The following RASAL2 variants were observed in gnomAD, a reference collection of about 807,000 sequenced individuals.
RASAL2 encodes ras GTPase-activating protein nGAP.
In RASAL2, 58 loss-of-function variants were observed where a neutral mutation model predicts 128.9. That is an observed-to-expected ratio of 0.45 (90% CI 0.36 to 0.56). RASAL2 has a LOEUF of 0.56. Among genes scored for constraint, RASAL2 ranks in the 20% least tolerant of loss-of-function variants. The pLI is 0.00. For synonymous variants in RASAL2, 561 were observed against 580.8 expected, an observed-to-expected ratio of 0.97 and a Z score of 0.49; for missense variants, 1,360 against 1,601.6, an observed-to-expected ratio of 0.85 and a Z score of 2.57.
intron 3 of RASAL2, among the ~76,000 whole-genome samples, chr1:178,314,919 C>G (rs1668432254): frequency 7.0e-6 from 1 of 143,232 alleles, no homozygotes; most frequent in African/African-American, 2.6e-5. Context: ...AGGTATATCT[C>G]CCAATGCTAT....
Position 178,094,662 on chromosome 1 carries a change from TGTGCCA to T in RASAL2, c.172_177del (p.Cys58_Gln59del), listed in dbSNP as rs767237011. The T allele has an allele frequency of 6.2e-7, 1 of 1,614,078 alleles. No individual in the cohort carries two copies. Among genetic ancestry groups the T allele is most frequent in the East Asian group, 2.2e-5 (1 of 44,882 alleles). On this transcript the variant is annotated inframe_deletion, in exon 1 of 18. Coordinates refer to ENST00000367649, the MANE Select transcript of RASAL2 (RefSeq NM_170692.4). ...TTGGATCGGATCCTTCTGGAGTCCGTGTGCCAGCAACAGAGCTGGGTCCGGGTGTAC... is the reference window on the plus strand; with the variant it reads ...TTGGATCGGATCCTTCTGGAGTCCGTGCAACAGAGCTGGGTCCGGGTGTAC...
At chr1:178,464,240 G>C in intron 14 of RASAL2, 38 bp from the exon 15 acceptor site, 5 of 1,571,312 alleles carry the variant, frequency 3.2e-6, no homozygotes, top group Non-Finnish European at 4.3e-6. Flanking sequence ...ACACGGGTGA[G>C]CTGTTAGGGG....
chr1:178,217,101 G>A lies in RASAL2; in HGVS notation c.203-66463G>A, dbSNP rs1280208594. Among the ~76,000 whole-genome samples, 5 of 152,080 alleles carry A rather than the reference G, an allele frequency of 3.3e-5. No homozygotes were observed. The South Asian group carries it at 8.3e-4, about 25-fold the overall frequency. On this transcript the variant is annotated intron_variant, in intron 1 of 17. Transcript: ENST00000367649. ...AACAGTTCTCCTGCCTCAGCCCACC[G>A]AGTAGCTGGGATTATAGGCACGCAC...
rs1396236405 is a variant in RASAL2 at position 178,107,481 on chromosome 1, A to G, written c.202+12787A>G. Among the ~76,000 whole-genome samples, 4 of 152,142 alleles carry G rather than the reference A, an allele frequency of 2.6e-5. No homozygotes were observed. In the East Asian group the frequency reaches 7.7e-4, roughly 29 times the overall value. On this transcript the variant is annotated intron_variant, in intron 1 of 17. Coordinates refer to ENST00000367649, the MANE Select transcript of RASAL2 (RefSeq NM_170692.4). The stretch of plus-strand genomic sequence containing the variant: ...TTTTTTTATTATGGTAAATATAGCA[A>G]ATTTTCATTTTAAGTTTGCTATATT...
At chr1:178,117,869 A>G (rs1325651722) in intron 1 of RASAL2, among the ~76,000 whole-genome samples, 3 of 152,158 alleles carry the variant, frequency 2.0e-5, no homozygotes, top group African/African-American at 2.4e-5. Context: ...AAGATAGAAT[A>G]TAATAATATT....
intron 1 of RASAL2, among the ~76,000 whole-genome samples, chr1:178,226,276 T>C (rs1470914886): frequency 6.6e-6 from 1 of 152,110 alleles, no homozygotes; most frequent in East Asian, 1.9e-4. Context: ...GTTGCATTGT[T>C]TTTTGGGGGG....
chr1:178,446,648 T>C (rs1677022714), intron 9 of RASAL2, among the ~76,000 whole-genome samples: 1 of 152,190 alleles, frequency 6.6e-6, no homozygotes, highest in Non-Finnish European at 1.5e-5. Flanking sequence ...CTATCAAGAA[T>C]AGAAAGTAAA....
chr1:178,234,188 A>G (rs1040771948), intron 1 of RASAL2, among the ~76,000 whole-genome samples: 1 of 152,198 alleles, frequency 6.6e-6, no homozygotes. Context: ...CCACTGATCT[A>G]CTTTTCCAGG....
At chr1:178,203,947 GTC>G (rs1322578692) in intron 1 of RASAL2, among the ~76,000 whole-genome samples, 4 of 152,166 alleles carry the variant, frequency 2.6e-5, no homozygotes, top group Non-Finnish European at 5.9e-5. Flanking sequence ...GAAGGTTTGG[GTC>G]TCTCCACCAG....
At chr1:178,248,304 A>C (rs1002248597) in intron 1 of RASAL2, among the ~76,000 whole-genome samples, 2 of 152,154 alleles carry the variant, frequency 1.3e-5, no homozygotes, top group African/African-American at 4.8e-5. Context: ...TGGTGCATTC[A>C]TCCCTTTACC....
At chr1:178,444,908 A>G (rs1676894243) in intron 8 of RASAL2, among the ~76,000 whole-genome samples, 1 of 152,188 alleles carries the variant, frequency 6.6e-6, no homozygotes, top group South Asian at 2.1e-4. Flanking sequence ...TAATCAAGTA[A>G]TTACAGAAAT....
rs1045170455 is a variant in RASAL2 at position 178,475,957 on chromosome 1, T to C, written c.*2718T>C. ...TCTTTAGAGAATGCTGCAATCTGTA[T>C]AAGTTACTCTGAAGGATTTTTTAAG... On this transcript the variant is annotated 3_prime_UTR_variant, in exon 18 of 18. Transcript: ENST00000367649. 1 of 152,254 alleles carries C rather than the reference T, an allele frequency of 6.6e-6. No individual in the cohort carries two copies. The highest frequency in any genetic ancestry group is 1.5e-5 in the Non-Finnish European group (1 of 68,046). 9.4% of individuals were successfully genotyped at this position (152,254 alleles called of 1,614,324 possible). A position where few individuals can be genotyped will look rare whatever the true frequency, so the allele number is the denominator to read the frequency against.
At chr1:178,293,608 C>T (rs1287173498) in intron 2 of RASAL2, among the ~76,000 whole-genome samples, 2 of 152,098 alleles carry the variant, frequency 1.3e-5, no homozygotes, top group South Asian at 2.1e-4. Context: ...TATTCCAAAA[C>T]AAAACAAAAA....
At chr1:178,308,083 C>CTTACTTACA (rs1336711598) in intron 3 of RASAL2, among the ~76,000 whole-genome samples, 1 of 152,024 alleles carries the variant, frequency 6.6e-6, no homozygotes, top group African/African-American at 2.4e-5. Flanking sequence ...ATCCCGTCAT[C>CTTACTTACA]TTACTTACAG....
intron 4 of RASAL2, among the ~76,000 whole-genome samples, chr1:178,413,686 C>G (rs569510487): frequency 6.6e-6 from 1 of 152,212 alleles, no homozygotes; most frequent in South Asian, 2.1e-4. Context: ...TCAGAACCAG[C>G]CTCAGAAAAT....
intron 1 of RASAL2, among the ~76,000 whole-genome samples, chr1:178,214,593 C>G (rs1411962124): frequency 6.7e-6 from 1 of 149,260 alleles, no homozygotes; most frequent in African/African-American, 2.5e-5. Flanking sequence ...GAGTCTCGCT[C>G]TGTCGCCCAG....
At chr1:178,403,457 A>G (rs943129248) in intron 4 of RASAL2, among the ~76,000 whole-genome samples, 1 of 152,192 alleles carries the variant, frequency 6.6e-6, no homozygotes, top group Admixed American at 6.5e-5. Flanking sequence ...GGGAATATAA[A>G]ATAGGAACAG....
At chr1:178,253,625 T>C (rs1665163314) in intron 1 of RASAL2, among the ~76,000 whole-genome samples, 1 of 151,818 alleles carries the variant, frequency 6.6e-6, no homozygotes, top group African/African-American at 2.4e-5. Context: ...TTTATAAGAT[T>C]TGGGTAGGTA....
intron 1 of RASAL2, among the ~76,000 whole-genome samples, chr1:178,251,601 T>G (rs527363435): frequency 6.6e-6 from 1 of 152,278 alleles, no homozygotes; most frequent in East Asian, 1.9e-4. Context: ...CAGGGAATGG[T>G]TGATTAATTA....
Sources: allele counts gnomAD v4.1 joint callset (sites outside exome capture counted in the v4.1 genomes callset), GRCh38; gene constraint gnomAD v4.1.1; transcripts MANE v1.5; gene names NCBI Gene and HGNC (gene_info 2026-07-23, HGNC 2026-07-21).